Variants in CLCNKB observed in about 807,000 individuals in gnomAD.
CLCNKB encodes chloride voltage-gated channel Kb, also known as chloride channel protein ClC-Kb.
CLCNKB carries 74 observed loss-of-function variants against 83.8 expected under a neutral mutation model. That is an observed-to-expected ratio of 0.88 (90% CI 0.73 to 1.07). The LOEUF is 1.07. CLCNKB is among the 50% of genes least tolerant of loss of function. The pLI is 0.00. For missense variants in CLCNKB, 798 were observed against 893.6 expected (o/e 0.89, Z 1.36); for synonymous variants, 358 against 356.6 (o/e 1.00, Z -0.04).
chr1:16,048,238 C>T, intron 5 of CLCNKB, 105 bp from the exon 6 acceptor site: 1 of 1,499,826 alleles, frequency 6.7e-7, no homozygotes, highest in East Asian at 2.4e-5. Context: ...GCCGTGGGGG[C>T]TTGGGAGATG....
In CLCNKB at chr1:16,052,696, C is replaced by T. The variant is rs547182686; in HGVS notation, c.1622+285C>T. 1.4e-4 allele frequency among the ~76,000 whole-genome samples: 22 copies of T among 152,272 alleles called. No homozygotes were observed. The South Asian group carries it at 2.5e-3, about 17-fold the overall frequency. ...AGGAAACCGGGGCTCAGAGAGGTGC[C>T]GTGTCTTGCTCCAGGTGACACAGAG... On this transcript the variant is annotated intron_variant, in intron 15 of 19. Transcript: ENST00000375679.
rs1190317711 is a variant in CLCNKB at position 16,049,220 on chromosome 1, C to T, written c.756C>T (p.Leu252=). The T allele has an allele frequency of 9.9e-6, 16 of 1,613,838 alleles. No individual in the cohort carries two copies. Among genetic ancestry groups the T allele is most frequent in the African/African-American group, 1.3e-5 (1 of 75,030 alleles). ...AATCGAFMFR[L]LAVFNSEQET... is the part of the protein sequence containing the mutation. Reference sequence around the variant, plus strand: ...CCTGCGGGGCCTTCATGTTCCGGCTCCTGGCGGTCTTCAACAGCGAGCAGG... The same window carrying T: ...CCTGCGGGGCCTTCATGTTCCGGCTTCTGGCGGTCTTCAACAGCGAGCAGG... Residue 252 remains leucine, a synonymous_variant, in exon 8 of 20, where the codon CTC becomes CTT. Transcript: ENST00000375679.
Position 16,053,805 on chromosome 1 carries a change from G to T in CLCNKB, c.1756+33G>T, listed in dbSNP as rs765783951. 8.1e-6 allele frequency: 13 copies of T among 1,612,882 alleles called. No homozygotes were observed. The African/African-American group carries it at 9.3e-5, about 12-fold the overall frequency. Reference sequence around the variant, plus strand: ...GCCGGAAGGGAGGAGGAAGTCGGGGGTAGGGGATGCCCTCTGCCTCCTTCT... The same window carrying T: ...GCCGGAAGGGAGGAGGAAGTCGGGGTTAGGGGATGCCCTCTGCCTCCTTCT... On this transcript the variant is annotated intron_variant, in intron 16 of 19. Transcript: ENST00000375679.
At position 16,055,735 on chromosome 1, in the gene CLCNKB, TC is replaced by T; in HGVS notation, c.1910del (p.Pro637GlnfsTer15). 1 of 1,613,826 alleles carries T rather than the reference TC, an allele frequency of 6.2e-7. No homozygotes were observed. The highest frequency in any genetic ancestry group is 1.1e-5 in the South Asian group (1 of 91,078). Reference sequence around the variant, plus strand: ...CACAGAACCAGTGACCCTGAAGCTGTCCCCAGAGACTTCCCTGCATGAGGTA... The same window carrying T: ...CACAGAACCAGTGACCCTGAAGCTGTCCCAGAGACTTCCCTGCATGAGGTA... ...CPTEPVTLKLSPETSLHEAHN... is the reference protein window; with the variant it reads ...CPTEPVTLKLXPETSLHEAHN... On this transcript the variant is annotated frameshift_variant, in exon 18 of 20. Transcript: ENST00000375679. LOFTEE classifies it high-confidence loss of function.
In CLCNKB at chr1:16,055,737, C is replaced by T. The variant is rs957191626; in HGVS notation, c.1908C>T (p.Ser636=). ...CAGAACCAGTGACCCTGAAGCTGTC[C>T]CCAGAGACTTCCCTGCATGAGGTAA... is the stretch of plus-strand genomic sequence containing the variant. ...CPTEPVTLKL[S]PETSLHEAHN... is the part of the protein sequence containing the mutation. The change falls in exon 18 of 20, where the codon TCC becomes TCT. Residue 636 remains serine, a synonymous_variant. Coordinates refer to ENST00000375679, the MANE Select transcript of CLCNKB (RefSeq NM_000085.5). The T allele has an allele frequency of 1.9e-6, 3 of 1,613,876 alleles. No homozygotes were observed. Among genetic ancestry groups the T allele is most frequent in the Admixed American group, 3.3e-5 (2 of 60,026 alleles).
chr1:16,048,405 C>T lies in CLCNKB; in HGVS notation c.561C>T (p.Thr187=), dbSNP rs2023170462. The change falls in exon 6 of 20, where the codon ACC becomes ACT. Residue 187 remains threonine (T), a synonymous_variant. Coordinates refer to ENST00000375679, the MANE Select transcript of CLCNKB (RefSeq NM_000085.5). The stretch of plus-strand genomic sequence containing the variant: ...ACCTGGGCCGTGTGCGCACCACGAC[C>T]ATCGGGGAGCCTGAGGTTAGGGACT... ...AAYLGRVRTT[T]IGEPENKSKQ... The T allele has an allele frequency of 6.2e-7, 1 of 1,613,896 alleles. No homozygotes were observed. Among genetic ancestry groups the T allele is most frequent in the Non-Finnish European group, 8.5e-7 (1 of 1,180,022 alleles).
chr1:16,048,352 G>C lies in CLCNKB; in HGVS notation c.508G>C (p.Val170Leu). The change falls in exon 6 of 20, where the codon GTG becomes CTG. Residue 170 changes from valine to leucine, a missense_variant. Physicochemically the swap from Val to Leu is conservative, Grantham distance 32. Coordinates refer to ENST00000375679, the MANE Select transcript of CLCNKB (RefSeq NM_000085.5). ...TLFLGKVGPFVHLSVMMAAYL... is the reference protein window; with the variant it reads ...TLFLGKVGPFLHLSVMMAAYL... Reference sequence around the variant, plus strand: ...ACCCTTCTCTCTGCAGGGCCCTTTCGTGCACCTGTCTGTGATGATGGCTGC... The same window carrying C: ...ACCCTTCTCTCTGCAGGGCCCTTTCCTGCACCTGTCTGTGATGATGGCTGC... 6.2e-7 allele frequency: 1 copy of C among 1,614,000 alleles called. No homozygotes were observed. The highest frequency in any genetic ancestry group is 1.1e-5 in the South Asian group (1 of 91,078).
intron 16 of CLCNKB, among the ~76,000 whole-genome samples, chr1:16,054,668 A>T (rs1371827029): frequency 6.6e-6 from 1 of 152,098 alleles, no homozygotes; most frequent in East Asian, 1.9e-4. Context: ...TCATCTGAAA[A>T]TGTTTGCATT....
At chr1:16,054,221 G>T (rs969919782) in intron 16 of CLCNKB, among the ~76,000 whole-genome samples, 1 of 152,208 alleles carries the variant, frequency 6.6e-6, no homozygotes, top group African/African-American at 2.4e-5. Context: ...CTTAACTAGA[G>T]CGTCATTTCC....
At chr1:16,055,555 CGGGGGTGGGTCAGCAGGAATGGGAGGAGA>C in intron 17 of CLCNKB, 32 bp downstream of exon 17, 1 of 697,170 alleles carries the variant, frequency 1.4e-6, no homozygotes, top group Non-Finnish European at 2.5e-6. Context: ...GGGGATGGGG[CGGGGGTGGGTCAGCAGGAATGGGAGGAGA>C]GGGGCCCGCT....
intron 12 of CLCNKB, 138 bp downstream of exon 12, chr1:16,051,186 G>C: frequency 7.4e-7 from 1 of 1,355,744 alleles, no homozygotes; most frequent in Non-Finnish European, 1.0e-6. Flanking sequence ...CCATTGCATG[G>C]TCCTGGACAA....
chr1:16,049,476 C>T (rs2023213107), intron 8 of CLCNKB, 142 bp from the exon 9 acceptor site: 4 of 1,529,602 alleles, frequency 2.6e-6, no homozygotes, highest in Non-Finnish European at 3.6e-6. Flanking sequence ...AGGCAGGAGC[C>T]TGGTTGTGGG....
intron 12 of CLCNKB, 95 bp from the exon 13 acceptor site, chr1:16,051,383 C>G: frequency 6.8e-7 from 1 of 1,477,792 alleles, no homozygotes; most frequent in Non-Finnish European, 9.5e-7. Context: ...CCCTCTTTCT[C>G]TCTAGGACAC....
chr1:16,046,609 G>A lies in CLCNKB; in HGVS notation c.304G>A (p.Ala102Thr), dbSNP rs748354862. Residue 102 changes from alanine (A) to threonine (T), a missense_variant, in exon 4 of 20, where the codon GCC becomes ACC. Coordinates refer to ENST00000375679, the MANE Select transcript of CLCNKB (RefSeq NM_000085.5). ...TCTCTCCTGGACTGTGTACCCTGTG[G>A]CCCTCGTCTCTTTCTCTTCAGGCTT... ...RYLSWTVYPV[A>T]LVSFSSGFSQ... 1.2e-5 allele frequency: 19 copies of A among 1,614,008 alleles called. No homozygotes were observed. The highest frequency in any genetic ancestry group is 2.2e-5 in the South Asian group (2 of 91,082).
At position 16,049,107 on chromosome 1, in the gene CLCNKB, G is replaced by A; in HGVS notation, c.656-13G>A. 6.2e-7 allele frequency: 1 copy of A among 1,613,646 alleles called. No homozygotes were observed. Among genetic ancestry groups the A allele is most frequent in the South Asian group, 1.1e-5 (1 of 91,056 alleles). Reference sequence around the variant, plus strand: ...GGGGTGGAGGGCCCACCTGAGATCAGTGTCGCCCCCAGGCGTCCTGTTCAG... The same window carrying A: ...GGGGTGGAGGGCCCACCTGAGATCAATGTCGCCCCCAGGCGTCCTGTTCAG... On this transcript the variant is annotated splice_polypyrimidine_tract_variant and intron_variant, in intron 7 of 19. Coordinates refer to ENST00000375679, the MANE Select transcript of CLCNKB (RefSeq NM_000085.5).
At chr1:16,045,720 A>C in intron 3 of CLCNKB, 34 bp downstream of exon 3, 2 of 1,569,860 alleles carry the variant, frequency 1.3e-6, no homozygotes, top group Non-Finnish European at 1.7e-6. Context: ...GCTCTGGGCC[A>C]AGGGATTCTG....
chr1:16,052,695 C>T lies in CLCNKB; in HGVS notation c.1622+284C>T, dbSNP rs868654956. The stretch of plus-strand genomic sequence containing the variant: ...GAGGAAACCGGGGCTCAGAGAGGTG[C>T]CGTGTCTTGCTCCAGGTGACACAGA... On this transcript the variant is annotated intron_variant, in intron 15 of 19. Transcript: ENST00000375679. Among the ~76,000 whole-genome samples the T allele has an allele frequency of 3.9e-5, 6 of 152,176 alleles. No homozygotes were observed. The East Asian group carries it at 7.7e-4, about 20-fold the overall frequency.
chr1:16,056,366 A>G lies in CLCNKB; in HGVS notation c.1930-56A>G, dbSNP rs377250907. On this transcript the variant is annotated intron_variant, in intron 18 of 19. Coordinates refer to ENST00000375679, the MANE Select transcript of CLCNKB (RefSeq NM_000085.5). ...GCTCAGAGGCGTGGTGGAGTGGGCTAGAGGGTGGGCTGGGCACCTTCTACC... is the reference window on the plus strand; with the variant it reads ...GCTCAGAGGCGTGGTGGAGTGGGCTGGAGGGTGGGCTGGGCACCTTCTACC... 6.3e-4 allele frequency: 981 copies of G among 1,545,388 alleles called. 8 individuals are homozygous for G. The highest frequency in any genetic ancestry group is 2.9e-3 in the African/African-American group (215 of 73,448).
At chr1:16,044,418 A>G (rs2023030007) in intron 1 of CLCNKB, 68 bp from the exon 2 acceptor site, 1 of 1,268,382 alleles carries the variant, frequency 7.9e-7, no homozygotes, top group Non-Finnish European at 1.1e-6. Flanking sequence ...GAGCACTGGA[A>G]GGGCCTAGAG....
Sources: allele counts gnomAD v4.1 joint callset (sites outside exome capture counted in the v4.1 genomes callset), GRCh38; gene constraint gnomAD v4.1.1; transcripts MANE v1.5; gene names NCBI Gene and HGNC (gene_info 2026-07-23, HGNC 2026-07-21).